The following DACH2 variants were observed in gnomAD, a reference collection of about 807,000 sequenced individuals.
DACH2 encodes the protein dachshund family transcription factor 2, also known as dachshund homolog 2.
A neutral mutation model predicts 35.8 loss-of-function variants in DACH2; 17 were observed. The observed-to-expected ratio is 0.48, with a 90% confidence interval of 0.33 to 0.71. The LOEUF is 0.71. DACH2 is among the 30% of genes least tolerant of loss of function. The pLI, the probability that DACH2 is intolerant of heterozygous loss-of-function variation, is 0.02. For synonymous variants in DACH2, 195 were observed against 177.3 expected (o/e 1.10, Z -0.79); for missense variants, 469 against 472.7 (o/e 0.99, Z 0.07).
At chrX:86,743,989 A>G (rs1220401880) in intron 7 of DACH2, among the ~76,000 whole-genome samples, 1 of 111,355 alleles carries the variant, frequency 9.0e-6, no homozygotes, top group Non-Finnish European at 1.9e-5. Context: ...CAAGCTGTAC[A>G]TGATGCATAT....
intron 2 of DACH2, among the ~76,000 whole-genome samples, chrX:86,479,980 CTTA>C (rs1442042625): frequency 1.8e-5 from 2 of 112,422 alleles, no homozygotes; most frequent in African/African-American, 6.5e-5. Flanking sequence ...TTCCTGGTGG[CTTA>C]TTTAGTTCAT....
rs938085619 is a variant in DACH2 at position 86,481,400 on chromosome X, G to A, written c.528-32879G>A. On this transcript the variant is annotated intron_variant, in intron 2 of 11. Transcript: ENST00000373125. ...TTTGTGAGTCATTTGCTGAATATTA[G>A]CATCAGGACACACTCACACAAACAC... is the stretch of plus-strand genomic sequence containing the variant. 5 of 111,486 alleles carry A rather than the reference G, an allele frequency of 4.5e-5. No homozygotes were observed. In the Admixed American group the frequency reaches 4.8e-4, roughly 11 times the overall value. The allele number at this position is 111,486 out of a possible 1,213,427, so 9.2% of individuals were successfully genotyped here.
chrX:86,656,099 C>A (rs2040537314), intron 4 of DACH2, among the ~76,000 whole-genome samples: 2 of 102,448 alleles, frequency 2.0e-5, no homozygotes, highest in African/African-American at 7.2e-5. Flanking sequence ...ATAAAACAAG[C>A]CTTCAAAAAA....
chrX:86,727,588 T>C (rs1433417722), intron 6 of DACH2, among the ~76,000 whole-genome samples: 2 of 111,039 alleles, frequency 1.8e-5, no homozygotes, highest in Non-Finnish European at 3.8e-5. Flanking sequence ...GGATCCCCCA[T>C]GAATGGCTTG....
intron 7 of DACH2, among the ~76,000 whole-genome samples, chrX:86,765,696 TGG>T (rs759062824): frequency 9.4e-4 from 71 of 75,389 alleles, no homozygotes; most frequent in East Asian, 3.5e-3. Flanking sequence ...TGTTGTTTTT[TGG>T]TTTTTTTTTT....
intron 1 of DACH2, among the ~76,000 whole-genome samples, chrX:86,173,496 G>A (rs1418145234): frequency 9.0e-6 from 1 of 111,604 alleles, no homozygotes; most frequent in Non-Finnish European, 1.9e-5. Flanking sequence ...GTCTTGAAAG[G>A]GAGAGGAGTT....
Position 86,162,147 on chromosome X carries a change from G to T in DACH2, c.488+13039G>T, listed in dbSNP as rs912618237. 2.7e-5 allele frequency among the ~76,000 whole-genome samples: 3 copies of T among 110,319 alleles called. No individual in the cohort carries two copies. The East Asian group carries it at 8.5e-4, about 31-fold the overall frequency. On this transcript the variant is annotated intron_variant, in intron 1 of 11. Coordinates refer to ENST00000373125, the MANE Select transcript of DACH2 (RefSeq NM_053281.3). ...GTTTTTAAATGTAAATAAAATCCAAGAATTCCTTTTTTTTGAGGTCTTTCT... is the reference window on the plus strand; with the variant it reads ...GTTTTTAAATGTAAATAAAATCCAATAATTCCTTTTTTTTGAGGTCTTTCT...
At chrX:86,809,897 C>G (rs936170843) in intron 7 of DACH2, among the ~76,000 whole-genome samples, 1 of 111,019 alleles carries the variant, frequency 9.0e-6, no homozygotes, top group Non-Finnish European at 1.9e-5. Context: ...TGTGCTGTCT[C>G]TATGTGTCTC....
At chrX:86,373,023 G>A (rs190522527) in intron 1 of DACH2, among the ~76,000 whole-genome samples, 2 of 111,223 alleles carry the variant, frequency 1.8e-5, no homozygotes, top group East Asian at 2.9e-4. Flanking sequence ...TTTTATGGCT[G>A]TGTAATATTC....
chrX:86,517,681 G>A (rs914336684), intron 3 of DACH2, among the ~76,000 whole-genome samples: 2 of 111,278 alleles, frequency 1.8e-5, no homozygotes, highest in East Asian at 2.8e-4. Context: ...GCCTCCCAAA[G>A]TGCTGGGATT....
At chrX:86,340,132 C>G (rs915963043) in intron 1 of DACH2, among the ~76,000 whole-genome samples, 6 of 111,568 alleles carry the variant, frequency 5.4e-5, no homozygotes, top group African/African-American at 2.0e-4. Context: ...CCTAGGATAC[C>G]TTGTACAGGC....
In DACH2 at chrX:86,383,633, T is replaced by C. The variant is rs748435371; in HGVS notation, c.527+6771T>C. 1.1e-4 allele frequency among the ~76,000 whole-genome samples: 11 copies of C among 103,572 alleles called. No homozygotes were observed. In the South Asian group the frequency reaches 4.6e-3, roughly 43 times the overall value. 89.9% of individuals were successfully genotyped at this position (103,572 alleles called of 115,157 possible). A position where few individuals can be genotyped will look rare whatever the true frequency, so the allele number is the denominator to read the frequency against. On this transcript the variant is annotated intron_variant, in intron 2 of 11. Transcript: ENST00000373125. ...TAATATTACTATAAAATATTTTCTT[T>C]TATTATTGAAAACCCAGTTTGAACC...
chrX:86,788,733 C>T (rs1439080893), intron 7 of DACH2, among the ~76,000 whole-genome samples: 1 of 111,788 alleles, frequency 8.9e-6, no homozygotes, highest in African/African-American at 3.3e-5. Context: ...CAGAAACTAT[C>T]AGCCAGGAAA....
chrX:86,715,796 C>G (rs1227283321), intron 6 of DACH2, among the ~76,000 whole-genome samples: 4 of 110,945 alleles, frequency 3.6e-5, no homozygotes, highest in Non-Finnish European at 1.9e-5. Context: ...TTTTATCTAC[C>G]TTTAAGAAGA....
At chrX:86,171,467 T>TA (rs34781097) in intron 1 of DACH2, among the ~76,000 whole-genome samples, 42,751 of 110,249 alleles carry the variant, frequency 0.39, 6,232 homozygotes, top group Middle Eastern at 0.46. Flanking sequence ...CAAGGTTACT[T>TA]AGAGACTGAG....
At chrX:86,369,754 A>G (rs1165816519) in intron 1 of DACH2, among the ~76,000 whole-genome samples, 1 of 111,442 alleles carries the variant, frequency 9.0e-6, no homozygotes, top group African/African-American at 3.3e-5. Context: ...TTTACCAATC[A>G]ATAATTCAGT....
At chrX:86,453,118 T>C (rs1247844821) in intron 2 of DACH2, among the ~76,000 whole-genome samples, 3 of 111,790 alleles carry the variant, frequency 2.7e-5, no homozygotes, top group African/African-American at 9.8e-5. Flanking sequence ...TCCATGTATT[T>C]GTGTGGTTTT....
At chrX:86,753,255 A>T (rs2041793640) in intron 7 of DACH2, among the ~76,000 whole-genome samples, 1 of 112,033 alleles carries the variant, frequency 8.9e-6, no homozygotes, top group Admixed American at 9.5e-5. Context: ...ATCAGGTGCA[A>T]ATATAAATTT....
In DACH2 at chrX:86,691,859, C is replaced by T. The variant is rs142528299; in HGVS notation, c.773-3162C>T. 9.4e-3 allele frequency among the ~76,000 whole-genome samples: 1,044 copies of T among 111,453 alleles called. 9 individuals are homozygous for T. The highest frequency in any genetic ancestry group is 0.014 in the Middle Eastern group (3 of 217). ...TAGATAGGATGAGGAAAGTGGATAC[C>T]CAAGCCTTCAAAATAGTGGTTAATA... On this transcript the variant is annotated intron_variant, in intron 4 of 11. Transcript: ENST00000373125.
Sources: allele counts gnomAD v4.1 joint callset (sites outside exome capture counted in the v4.1 genomes callset), GRCh38; gene constraint gnomAD v4.1.1; transcripts MANE v1.5; gene names NCBI Gene and HGNC (gene_info 2026-07-23, HGNC 2026-07-21).